SAMHD1: variants seen among roughly 807,000 people sequenced by gnomAD.
SAMHD1 encodes deoxynucleoside triphosphate triphosphohydrolase SAMHD1.
A neutral mutation model predicts 79.6 loss-of-function variants in SAMHD1; 54 were observed. That is an observed-to-expected ratio of 0.68 (90% CI 0.55 to 0.85). SAMHD1 has a LOEUF of 0.85. Ranked by LOEUF, SAMHD1 falls within the 40% of genes least tolerant of loss-of-function variation. The probability of loss-of-function intolerance (pLI) is 0.00; values close to 1 mark genes in which losing one functional copy is unlikely to be tolerated. For synonymous variants in SAMHD1, 260 were observed against 264.1 expected, an observed-to-expected ratio of 0.98 and a Z score of 0.15; for missense variants, 663 against 782.7, an observed-to-expected ratio of 0.85 and a Z score of 1.82.
At chr20:36,943,530 T>G (rs923594700) in intron 2 of SAMHD1, among the ~76,000 whole-genome samples, 4 of 152,178 alleles carry the variant, frequency 2.6e-5, no homozygotes, top group African/African-American at 9.7e-5. Context: ...CACTGCAATA[T>G]AGTGTTCCTT....
chr20:36,914,563 TTGGCCAGGC>T (rs1437915326), intron 9 of SAMHD1, among the ~76,000 whole-genome samples: 1 of 151,878 alleles, frequency 6.6e-6, no homozygotes, highest in Non-Finnish European at 1.5e-5. Context: ...GTTGCCCAGG[TTGGCCAGGC>T]TGGTCTCGAA....
At chr20:36,918,873 C>T (rs2063490352) in intron 7 of SAMHD1, among the ~76,000 whole-genome samples, 1 of 150,458 alleles carries the variant, frequency 6.6e-6, no homozygotes, top group Non-Finnish European at 1.5e-5. Context: ...CAGTGGCTCA[C>T]ACCTGTAATC....
Position 36,941,569 on chromosome 20 carries a change from T to C in SAMHD1, c.276-458A>G, listed in dbSNP as rs2063644306. 2.0e-5 allele frequency among the ~76,000 whole-genome samples: 3 copies of C among 152,142 alleles called. No homozygotes were observed. In the South Asian group the frequency reaches 6.2e-4, roughly 32 times the overall value. On this transcript the variant is annotated intron_variant, in intron 2 of 15. Transcript: ENST00000646673. Reference sequence around the variant, plus strand: ...CATTGTCAGTACTCCCTCACAATGCTCCAGTTTCAAGAAAATACATAATGG... The same window carrying C: ...CATTGTCAGTACTCCCTCACAATGCCCCAGTTTCAAGAAAATACATAATGG...
intron 1 of SAMHD1, among the ~76,000 whole-genome samples, chr20:36,948,077 T>C (rs774018294): frequency 5.9e-5 from 9 of 152,162 alleles, no homozygotes; most frequent in Non-Finnish European, 1.3e-4. Context: ...AGTGGTGTGA[T>C]CTCTGAAAAG....
At chr20:36,934,198 AAAAT>A (rs1049423597) in intron 4 of SAMHD1, among the ~76,000 whole-genome samples, 8 of 151,858 alleles carry the variant, frequency 5.3e-5, no homozygotes, top group Admixed American at 2.0e-4. Context: ...AAGAATACAT[AAAAT>A]AAATAAATTG....
chr20:36,942,186 T>C (rs1274693955), intron 2 of SAMHD1, among the ~76,000 whole-genome samples: 1 of 152,066 alleles, frequency 6.6e-6, no homozygotes, highest in Non-Finnish European at 1.5e-5. Context: ...GAGGCCGAGG[T>C]GGGTGGATCA....
At chr20:36,899,237 C>A (rs1990256278) in intron 13 of SAMHD1, among the ~76,000 whole-genome samples, 1 of 149,918 alleles carries the variant, frequency 6.7e-6, no homozygotes, top group East Asian at 1.9e-4. Flanking sequence ...ATGGTGAAAC[C>A]CTGTCTCTAC....
chr20:36,938,811 A>C (rs758738020), intron 3 of SAMHD1, among the ~76,000 whole-genome samples: 2 of 152,086 alleles, frequency 1.3e-5, no homozygotes, highest in Admixed American at 6.6e-5. Context: ...GCACCACTGC[A>C]CTCCAGCCTG....
intron 9 of SAMHD1, among the ~76,000 whole-genome samples, chr20:36,912,888 T>TG (rs2063452041): frequency 7.8e-6 from 1 of 128,516 alleles, no homozygotes; most frequent in African/African-American, 3.1e-5. Flanking sequence ...TTTCATTCTT[T>TG]GTTTTTTTTT....
chr20:36,916,684 A>G, intron 9 of SAMHD1, 38 bp downstream of exon 9: 1 of 1,405,556 alleles, frequency 7.1e-7, no homozygotes, highest in Non-Finnish European at 1.0e-6. Flanking sequence ...CAGACCAGGA[A>G]CAACATTCTT....
In SAMHD1 at chr20:36,937,856, G is replaced by GTTTTTTTTTT. The variant is rs761389071; in HGVS notation, c.349-2668_349-2667insAAAAAAAAAA. 1.7e-5 allele frequency among the ~76,000 whole-genome samples: 2 copies of GTTTTTTTTTT among 119,152 alleles called. 1 individual carries two copies. 78.2% of individuals were successfully genotyped at this position (119,152 alleles called of 152,430 possible). A position where few individuals can be genotyped will look rare whatever the true frequency, so the allele number is the denominator to read the frequency against. On this transcript the variant is annotated intron_variant, in intron 3 of 15. Coordinates refer to ENST00000646673, the MANE Select transcript of SAMHD1 (RefSeq NM_015474.4). ...TTATAAATGAGGTTAAACAATGTTG[G>GTTTTTTTTTT]TTTGTTTTTTTTTTTTTTTGAGACA... is the stretch of plus-strand genomic sequence containing the variant.
chr20:36,941,495 CA>C (rs2146144929), intron 2 of SAMHD1, among the ~76,000 whole-genome samples: 1 of 152,280 alleles, frequency 6.6e-6, no homozygotes, highest in East Asian at 1.9e-4. Flanking sequence ...ATGACTCAAG[CA>C]TGAATGAAAT....
At chr20:36,890,080 G>A (rs896754054), downstream of SAMHD1, 4 of 152,320 alleles carry the variant, frequency 2.6e-5, no homozygotes, top group Middle Eastern at 3.4e-3. Flanking sequence ...GCAGAATGTT[G>A]AGGCCTTTTT....
At chr20:36,895,134 A>G (rs1054105591) in intron 15 of SAMHD1, among the ~76,000 whole-genome samples, 1 of 152,028 alleles carries the variant, frequency 6.6e-6, no homozygotes, top group Non-Finnish European at 1.5e-5. Context: ...AAAACCCTTC[A>G]GTGTCAATGC....
At chr20:36,922,749 C>G (rs1296766654) in intron 6 of SAMHD1, among the ~76,000 whole-genome samples, 1 of 152,100 alleles carries the variant, frequency 6.6e-6, no homozygotes, top group Non-Finnish European at 1.5e-5. Context: ...GTAGCACGAT[C>G]ACAGCTCATT....
chr20:36,950,331 A>G (rs1426847926), intron 1 of SAMHD1, among the ~76,000 whole-genome samples: 2 of 144,064 alleles, frequency 1.4e-5, no homozygotes, highest in South Asian at 4.3e-4. Context: ...AAGGGGGAAG[A>G]AAAAAAAAAA....
chr20:36,933,654 C>T (rs2146135491), intron 4 of SAMHD1, among the ~76,000 whole-genome samples: 1 of 152,090 alleles, frequency 6.6e-6, no homozygotes, highest in East Asian at 2.0e-4. Flanking sequence ...CCACGCCTTG[C>T]TAATTTTTGT....
chr20:36,935,248 G>C, intron 3 of SAMHD1, 59 bp from the exon 4 acceptor site: 1 of 1,380,858 alleles, frequency 7.2e-7, no homozygotes. Context: ...TGAAATTTGT[G>C]TGCAGCCATT....
intron 3 of SAMHD1, among the ~76,000 whole-genome samples, chr20:36,936,955 A>C (rs1361917300): frequency 2.0e-5 from 3 of 148,768 alleles, no homozygotes; most frequent in Non-Finnish European, 4.5e-5. Context: ...AGCCTGACCA[A>C]CATGATGAAA....
Sources: allele counts gnomAD v4.1 joint callset (sites outside exome capture counted in the v4.1 genomes callset), GRCh38; gene constraint gnomAD v4.1.1; transcripts MANE v1.5; gene names NCBI Gene and HGNC (gene_info 2026-07-23, HGNC 2026-07-21).